TAB2: variants seen among roughly 807,000 people sequenced by gnomAD.
The protein encoded by TAB2 is TGF-beta-activated kinase 1 and MAP3K7-binding protein 2.
TAB2 carries 3 observed loss-of-function variants against 65.0 expected under a neutral mutation model. The observed-to-expected ratio is 0.05, with a 90% CI of 0.02 to 0.12. The LOEUF (loss-of-function observed/expected upper bound fraction) is 0.12. Ranked by LOEUF, TAB2 falls within the 10% of genes least tolerant of loss-of-function variation. The pLI, the probability that TAB2 is intolerant of heterozygous loss-of-function variation, is 1.00. For missense variants in TAB2, 623 were observed against 840.3 expected (o/e 0.74, Z 3.20); for synonymous variants, 298 against 285.1 (o/e 1.05, Z -0.46).
Position 149,339,601 on chromosome 6 carries a change from A to ATT in TAB2, c.-90+21588_-90+21589dup, listed in dbSNP as rs199531336. Among the ~76,000 whole-genome samples, 78 of 25,492 alleles carry ATT rather than the reference A, an allele frequency of 3.1e-3. 2 individuals carry two copies. Among genetic ancestry groups the ATT allele is most frequent in the African/African-American group, 6.3e-3 (76 of 12,010 alleles). The allele number at this position is 25,492 out of a possible 152,430, so 16.7% of individuals were successfully genotyped here. A position where few individuals can be genotyped will look rare whatever the true frequency, so the allele number is the denominator to read the frequency against. On this transcript the variant is annotated intron_variant, in intron 1 of 6. Transcript: ENST00000637181. ...ATTAATCTTTTTTATTTATTTATTTATTTATTTTTTTTTTTTTTTGAGACG... is the reference window on the plus strand; with the variant it reads ...ATTAATCTTTTTTATTTATTTATTTATTTTTATTTTTTTTTTTTTTTGAGACG...
At chr6:149,225,862 CA>C (rs1385993399) in intron 1 of TAB2, among the ~76,000 whole-genome samples, 1 of 151,696 alleles carries the variant, frequency 6.6e-6, no homozygotes, top group Non-Finnish European at 1.5e-5. Context: ...CAAAAACAAG[CA>C]GAATTTGAGA....
chr6:149,392,483 A>G (rs886828665), intron 3 of TAB2, among the ~76,000 whole-genome samples: 1 of 152,194 alleles, frequency 6.6e-6, no homozygotes, highest in Non-Finnish European at 1.5e-5. Context: ...TTCGATATAC[A>G]GATAGCTACT....
upstream of TAB2, among the ~76,000 whole-genome samples, chr6:149,314,524 C>T (rs143550302): frequency 3.3e-5 from 5 of 152,298 alleles, no homozygotes; most frequent in East Asian, 9.6e-4. Context: ...TCACTTTCAC[C>T]TGTTTATATG....
At chr6:149,254,794 G>A (rs1777975397) in intron 1 of TAB2, among the ~76,000 whole-genome samples, 1 of 152,120 alleles carries the variant, frequency 6.6e-6, no homozygotes, top group Admixed American at 6.5e-5. Flanking sequence ...ATTCAGCAAA[G>A]GTCTACTCGG....
chr6:149,400,722 G>A, intron 6 of TAB2: 1 of 1,589,172 alleles, frequency 6.3e-7, no homozygotes. Context: ...GTTCTTTAAA[G>A]ACCAAGATTA....
chr6:149,285,874 G>C (rs985984049), intron 1 of TAB2, among the ~76,000 whole-genome samples: 1 of 152,138 alleles, frequency 6.6e-6, no homozygotes, highest in Non-Finnish European at 1.5e-5. Flanking sequence ...AGGTCATGGG[G>C]CCTGAGAATT....
chr6:149,306,069 G>A (rs1779060662), intron 1 of TAB2, among the ~76,000 whole-genome samples: 1 of 152,136 alleles, frequency 6.6e-6, no homozygotes, highest in Non-Finnish European at 1.5e-5. Context: ...TGGGTGGGCT[G>A]TTATACAGGG....
At chr6:149,252,963 C>T (rs756517786) in intron 1 of TAB2, 2 of 152,372 alleles carry the variant, frequency 1.3e-5, no homozygotes, top group Non-Finnish European at 2.9e-5. Context: ...GGCAGCCCAG[C>T]CAAGCTCTAT....
intron 1 of TAB2, among the ~76,000 whole-genome samples, chr6:149,233,041 G>A (rs556443563): frequency 1.3e-5 from 2 of 152,262 alleles, no homozygotes; most frequent in Admixed American, 1.3e-4. Flanking sequence ...TGTTTCACCT[G>A]CCTAGTGTCC....
At chr6:149,343,290 G>A (rs565045253) in intron 1 of TAB2, among the ~76,000 whole-genome samples, 5 of 149,960 alleles carry the variant, frequency 3.3e-5, no homozygotes, top group East Asian at 1.9e-4. Context: ...CATACATGGC[G>A]AAACCCCGCC....
intron 1 of TAB2, among the ~76,000 whole-genome samples, chr6:149,351,631 T>A (rs1780494697): frequency 6.6e-6 from 1 of 152,218 alleles, no homozygotes; most frequent in South Asian, 2.1e-4. Context: ...AGCTACTCTA[T>A]CATCACCATT....
intron 1 of TAB2, among the ~76,000 whole-genome samples, chr6:149,331,637 A>C (rs979531924): frequency 6.6e-6 from 1 of 152,160 alleles, no homozygotes; most frequent in Non-Finnish European, 1.5e-5. Context: ...TCAGTCTTTC[A>C]CCAGTAAGTA....
At chr6:149,309,460 A>T (rs532563) in intron 1 of TAB2, among the ~76,000 whole-genome samples, 2 of 150,142 alleles carry the variant, frequency 1.3e-5, no homozygotes, top group African/African-American at 2.5e-5. Flanking sequence ...GCAGTGGCAC[A>T]ATCTCCGCTC....
chr6:149,344,271 T>A (rs1411554433), intron 1 of TAB2, among the ~76,000 whole-genome samples: 1 of 152,236 alleles, frequency 6.6e-6, no homozygotes, highest in East Asian at 1.9e-4. Context: ...GGTGAAATTT[T>A]TCTCCATTAT....
intron 1 of TAB2, among the ~76,000 whole-genome samples, chr6:149,357,421 G>GAAA (rs1244546884): frequency 2.8e-5 from 3 of 108,432 alleles, no homozygotes; most frequent in African/African-American, 1.2e-4. Context: ...GTCTCAAGGA[G>GAAA]AAAAAAAAAA....
At chr6:149,222,029 A>T (rs1345461567) in intron 1 of TAB2, among the ~76,000 whole-genome samples, 1 of 152,192 alleles carries the variant, frequency 6.6e-6, no homozygotes, top group Non-Finnish European at 1.5e-5. Flanking sequence ...AATGTGAGTG[A>T]TCCTTATCCA....
intron 1 of TAB2, among the ~76,000 whole-genome samples, chr6:149,365,847 A>G (rs1430794642): frequency 1.3e-5 from 2 of 151,586 alleles, no homozygotes; most frequent in African/African-American, 2.4e-5. Context: ...GATAATTTCT[A>G]TTGCTTTGTC....
chr6:149,385,935 C>T (rs1221131059), intron 3 of TAB2, among the ~76,000 whole-genome samples: 3 of 152,184 alleles, frequency 2.0e-5, no homozygotes, highest in Non-Finnish European at 4.4e-5. Context: ...CTTGTCACTT[C>T]CTCCAGCTTT....
intron 1 of TAB2, among the ~76,000 whole-genome samples, chr6:149,295,589 T>C (rs772981814): frequency 1.1e-4 from 17 of 152,236 alleles, no homozygotes; most frequent in Non-Finnish European, 2.4e-4. Flanking sequence ...TTCAGGATAA[T>C]TTCTTCTGAT....
Sources: gnomAD v4.1 joint callset for allele counts (sites outside exome capture counted in the v4.1 genomes callset) on GRCh38, gnomAD v4.1.1 for gene constraint, MANE v1.5 for transcripts, NCBI Gene and HGNC (gene_info 2026-07-23, HGNC 2026-07-21) for gene names.